The following GARNL3 variants were observed in gnomAD, a reference collection of about 807,000 sequenced individuals.
GARNL3 encodes GTPase-activating Rap/Ran-GAP domain-like protein 3.
In GARNL3, 63 loss-of-function variants were observed where a neutral mutation model predicts 125.0. The observed-to-expected ratio is 0.50, with a 90% CI of 0.41 to 0.62. The LOEUF (loss-of-function observed/expected upper bound fraction) is 0.62, where lower values mean the gene tolerates loss of function less well. GARNL3 is among the 20% of genes least tolerant of loss of function. The pLI, the probability that GARNL3 is intolerant of heterozygous loss-of-function variation, is 0.00. For missense variants in GARNL3, 994 were observed against 1,244.0 expected, an observed-to-expected ratio of 0.80 and a Z score of 3.02; for synonymous variants, 439 against 457.5, an observed-to-expected ratio of 0.96 and a Z score of 0.52.
chr9:127,299,283 G>C (rs1462939057), intron 2 of GARNL3, among the ~76,000 whole-genome samples: 2 of 143,954 alleles, frequency 1.4e-5, no homozygotes, highest in Non-Finnish European at 3.0e-5. Flanking sequence ...ACTCCAGCCT[G>C]GGCAACAGTG....
intron 22 of GARNL3, among the ~76,000 whole-genome samples, chr9:127,368,532 T>G (rs1221125580): frequency 1.4e-5 from 2 of 145,910 alleles, no homozygotes; most frequent in Admixed American, 1.4e-4. Flanking sequence ...GGTTTCACCA[T>G]GTTGGTCAGG....
intron 6 of GARNL3, among the ~76,000 whole-genome samples, chr9:127,323,439 T>C (rs979814020): frequency 2.6e-5 from 4 of 152,196 alleles, no homozygotes; most frequent in African/African-American, 9.7e-5. Flanking sequence ...GTTGAGACTC[T>C]AGCCCTGAGC....
Position 127,393,369 on chromosome 9 carries a change from G to A in GARNL3, c.*115G>A. 2.2e-6 allele frequency: 2 copies of A among 908,828 alleles called. No homozygotes were observed. The highest frequency in any genetic ancestry group is 3.3e-6 in the Non-Finnish European group (2 of 600,884). 56.3% of individuals were successfully genotyped at this position (908,828 alleles called of 1,614,324 possible). A position where few individuals can be genotyped will look rare whatever the true frequency, so the allele number is the denominator to read the frequency against. On this transcript the variant is annotated 3_prime_UTR_variant, in exon 28 of 28. Transcript: ENST00000373387. The stretch of plus-strand genomic sequence containing the variant: ...GCTTTTAGCCTGTCAGTGATCTATT[G>A]GACCAAACCTTCTGCACACTCGGCC...
intron 2 of GARNL3, among the ~76,000 whole-genome samples, chr9:127,292,101 C>T (rs11793057): frequency 6.6e-6 from 1 of 152,120 alleles, no homozygotes; most frequent in African/African-American, 2.4e-5. Context: ...TGACCACCTC[C>T]TAATGCAAAT....
chr9:127,298,496 A>G (rs2779719), intron 2 of GARNL3, among the ~76,000 whole-genome samples: 124,894 of 152,162 alleles, frequency 0.82, 51,881 homozygotes, highest in African/African-American at 0.94. Flanking sequence ...AGGTTTTCTT[A>G]GAAAATATGG....
Position 127,300,229 on chromosome 9 carries a change from A to T in GARNL3, c.219+8987A>T, listed in dbSNP as rs572706726. 14 of 301,988 alleles carry T rather than the reference A, an allele frequency of 4.6e-5. 1 individual carries two copies. In the South Asian group the frequency reaches 4.7e-4, roughly 10 times the overall value. 18.7% of individuals were successfully genotyped at this position (301,988 alleles called of 1,614,324 possible). A position where few individuals can be genotyped will look rare whatever the true frequency, so the allele number is the denominator to read the frequency against. On this transcript the variant is annotated intron_variant, in intron 2 of 27. Coordinates refer to ENST00000373387, the MANE Select transcript of GARNL3 (RefSeq NM_032293.5). The stretch of plus-strand genomic sequence containing the variant: ...CTCTTCTGTTACTGAGGCACCACAC[A>T]ATTTTTGAGCAAAAAATCTTTGTGC...
chr9:127,317,710 T>C (rs1294634722), intron 4 of GARNL3, among the ~76,000 whole-genome samples: 1 of 151,586 alleles, frequency 6.6e-6, no homozygotes, highest in Non-Finnish European at 1.5e-5. Context: ...AGCCAGACTC[T>C]GTCTCAAAAA....
At chr9:127,241,019 TAA>T (rs1449099885) in intron 1 of GARNL3, among the ~76,000 whole-genome samples, 1 of 152,248 alleles carries the variant, frequency 6.6e-6, no homozygotes, top group Non-Finnish European at 1.5e-5. Flanking sequence ...TTATTTGTAC[TAA>T]GTCTTCAAAA....
At chr9:127,272,679 A>G (rs2063852557) in intron 1 of GARNL3, among the ~76,000 whole-genome samples, 1 of 152,128 alleles carries the variant, frequency 6.6e-6, no homozygotes, top group Non-Finnish European at 1.5e-5. Flanking sequence ...AGGTTTCACC[A>G]TGTTGGCCAG....
intron 1 of GARNL3, 103 bp from the exon 2 acceptor site, chr9:127,291,065 A>G: frequency 8.6e-7 from 1 of 1,158,020 alleles, no homozygotes; most frequent in South Asian, 1.3e-5. Context: ...TAGGCTGGGC[A>G]CTCCAGCCTG....
intron 1 of GARNL3, among the ~76,000 whole-genome samples, chr9:127,288,085 G>A (rs2064304985): frequency 1.3e-5 from 2 of 152,220 alleles, no homozygotes; most frequent in African/African-American, 4.8e-5. Context: ...TGTAGTTGCT[G>A]TCTTTTGAAG....
chr9:127,301,880 A>G (rs998924437), intron 2 of GARNL3, among the ~76,000 whole-genome samples: 5 of 148,378 alleles, frequency 3.4e-5, no homozygotes, highest in African/African-American at 1.0e-4. Flanking sequence ...AGAGGGGACA[A>G]TCTTTCAGCT....
At chr9:127,227,462 G>A (rs1181241012) in intron 1 of GARNL3, among the ~76,000 whole-genome samples, 1 of 152,082 alleles carries the variant, frequency 6.6e-6, no homozygotes, top group Non-Finnish European at 1.5e-5. Flanking sequence ...TTAGCCGGTT[G>A]TGGTGGTAGG....
chr9:127,379,022 C>T (rs1487479610), intron 22 of GARNL3, among the ~76,000 whole-genome samples: 23 of 152,202 alleles, frequency 1.5e-4, no homozygotes, highest in Non-Finnish European at 4.4e-5. Flanking sequence ...AAGTGATCTG[C>T]CCGCCTTGGC....
chr9:127,229,351 G>T (rs575370283), intron 1 of GARNL3, among the ~76,000 whole-genome samples: 104 of 152,268 alleles, frequency 6.8e-4, no homozygotes, highest in Non-Finnish European at 1.1e-3. Context: ...GTTCAGGGTG[G>T]CACTGGGCCT....
chr9:127,310,679 C>A (rs1317714098), intron 2 of GARNL3, among the ~76,000 whole-genome samples: 1 of 149,728 alleles, frequency 6.7e-6, no homozygotes. Flanking sequence ...GAGGCTGAGA[C>A]AGGCAAATCA....
At chr9:127,377,657 T>C (rs1032540397) in intron 22 of GARNL3, among the ~76,000 whole-genome samples, 2 of 151,524 alleles carry the variant, frequency 1.3e-5, no homozygotes, top group African/African-American at 4.8e-5. Context: ...CGTGGTGGCA[T>C]GTGCCTGTAA....
chr9:127,317,998 G>A (rs142406987), intron 4 of GARNL3, 65 bp from the exon 5 acceptor site: 71 of 944,902 alleles, frequency 7.5e-5, no homozygotes, highest in East Asian at 2.1e-4. Flanking sequence ...TGAATGACCC[G>A]AGAGGCTCTT....
chr9:127,376,653 A>G (rs907204569), intron 22 of GARNL3, among the ~76,000 whole-genome samples: 2 of 152,148 alleles, frequency 1.3e-5, no homozygotes, highest in Non-Finnish European at 2.9e-5. Context: ...CCAGAAAAAC[A>G]GTACATCTTT....
Sources: allele counts gnomAD v4.1 joint callset (sites outside exome capture counted in the v4.1 genomes callset), GRCh38; gene constraint gnomAD v4.1.1; transcripts MANE v1.5; gene names NCBI Gene and HGNC (gene_info 2026-07-23, HGNC 2026-07-21).